MSH4: variants seen among roughly 807,000 people sequenced by gnomAD.
MSH4 encodes the protein mutS protein homolog 4.
Under a neutral mutation model 113.7 loss-of-function variants are expected in MSH4, and 106 were observed. The observed-to-expected ratio is 0.93, with a 90% CI of 0.80 to 1.10. The LOEUF (loss-of-function observed/expected upper bound fraction) is 1.10. Ranked by LOEUF, MSH4 falls within the 50% of genes least tolerant of loss-of-function variation. The pLI is 0.00. For missense variants in MSH4, 1,061 were observed against 1,093.7 expected (o/e 0.97, Z 0.42); for synonymous variants, 368 against 380.2 (o/e 0.97, Z 0.37).
chr1:75,901,150 T>C (rs1260222174), intron 19 of MSH4, among the ~76,000 whole-genome samples: 2 of 152,184 alleles, frequency 1.3e-5, no homozygotes, highest in Non-Finnish European at 2.9e-5. Flanking sequence ...ACATTTATCT[T>C]TACTTCATGT....
Position 75,877,002 on chromosome 1 carries a change from T to C in MSH4, c.1370+2T>C. The C allele has an allele frequency of 6.5e-7, 1 of 1,532,004 alleles. No homozygotes were observed. Among genetic ancestry groups the C allele is most frequent in the Non-Finnish European group, 8.8e-7 (1 of 1,135,818 alleles). 94.9% of individuals were successfully genotyped at this position (1,532,004 alleles called of 1,614,324 possible). A position where few individuals can be genotyped will look rare whatever the true frequency, so the allele number is the denominator to read the frequency against. On this transcript the variant is annotated splice_donor_variant, in intron 10 of 19. Transcript: ENST00000263187. LOFTEE classifies it high-confidence loss of function. ...CTATGGTTCCTTGGAAGACAAGAGG[T>C]CTTTGTCACTCAACCGTTAATAAAA...
intron 7 of MSH4, among the ~76,000 whole-genome samples, chr1:75,827,523 A>G (rs12759945): frequency 0.041 from 6,310 of 152,274 alleles, 156 homozygotes; most frequent in African/African-American, 0.046. Context: ...AAATGCCCCA[A>G]TTAAAAGACA....
At chr1:75,865,793 T>G (rs1218386180) in intron 8 of MSH4, among the ~76,000 whole-genome samples, 1 of 152,236 alleles carries the variant, frequency 6.6e-6, no homozygotes, top group Admixed American at 6.5e-5. Flanking sequence ...GATATTCTTC[T>G]TTATTAATTC....
chr1:75,836,409 G>A lies in MSH4; in HGVS notation c.1163-11800G>A, dbSNP rs534088428. Among the ~76,000 whole-genome samples, 11 of 148,208 alleles carry A rather than the reference G, an allele frequency of 7.4e-5. No homozygotes were observed. The East Asian group carries it at 1.6e-3, about 22-fold the overall frequency. ...TACCTCCTGGGTTCAAGCAATCCTC[G>A]CACCTCAGCCTCCCAAGTAGCTGAT... On this transcript the variant is annotated intron_variant, in intron 7 of 19. Transcript: ENST00000263187.
intron 9 of MSH4, among the ~76,000 whole-genome samples, chr1:75,867,867 T>A (rs1272092177): frequency 6.6e-6 from 1 of 152,108 alleles, no homozygotes; most frequent in Non-Finnish European, 1.5e-5. Flanking sequence ...AATCATAATA[T>A]TATTATCAAA....
At chr1:75,877,733 G>A (rs1336625797) in intron 10 of MSH4, among the ~76,000 whole-genome samples, 1 of 152,156 alleles carries the variant, frequency 6.6e-6, no homozygotes, top group Non-Finnish European at 1.5e-5. Flanking sequence ...CGAAGGCAGG[G>A]ATCATATGTT....
At chr1:75,853,863 C>T (rs1361784825) in intron 8 of MSH4, among the ~76,000 whole-genome samples, 5 of 151,620 alleles carry the variant, frequency 3.3e-5, no homozygotes, top group Admixed American at 3.3e-4. Context: ...TCCTTGGTAG[C>T]CTTTGAATCA....
intron 8 of MSH4, among the ~76,000 whole-genome samples, chr1:75,861,726 G>A (rs1003343322): frequency 9.2e-5 from 14 of 152,208 alleles, no homozygotes; most frequent in Admixed American, 5.2e-4. Context: ...CAGGGATCAG[G>A]GACCCACTTG....
chr1:75,841,083 G>GT (rs1344472858), intron 7 of MSH4, among the ~76,000 whole-genome samples: 2 of 152,088 alleles, frequency 1.3e-5, no homozygotes, highest in African/African-American at 4.8e-5. Flanking sequence ...TAATGCAGAT[G>GT]TTTTTTGGAT....
chr1:75,844,098 A>G (rs1433862621), intron 7 of MSH4, among the ~76,000 whole-genome samples: 2 of 152,154 alleles, frequency 1.3e-5, no homozygotes, highest in Non-Finnish European at 2.9e-5. Flanking sequence ...GGCGTAAGCC[A>G]CCACGCCCGG....
intron 19 of MSH4, among the ~76,000 whole-genome samples, chr1:75,904,185 T>TTTA (rs767904043): frequency 1.2e-4 from 19 of 152,320 alleles, no homozygotes; most frequent in Non-Finnish European, 2.5e-4. Flanking sequence ...TTGCATATGT[T>TTTA]TTATCATTCT....
chr1:75,801,524 C>T (rs1144329), intron 1 of MSH4, among the ~76,000 whole-genome samples: 14,731 of 149,248 alleles, frequency 0.099, 1,654 homozygotes, highest in African/African-American at 0.28. Flanking sequence ...GCTGAGATTG[C>T]GCCATTGCAC....
intron 13 of MSH4, 82 bp downstream of exon 13, chr1:75,880,235 T>C (rs1320306264): frequency 1.4e-6 from 1 of 729,312 alleles, no homozygotes; most frequent in Non-Finnish European, 2.2e-6. Flanking sequence ...GTTTAATTTT[T>C]ATCTAATTAC....
intron 9 of MSH4, among the ~76,000 whole-genome samples, chr1:75,872,827 G>A (rs772039192): frequency 1.3e-4 from 20 of 152,194 alleles, no homozygotes; most frequent in Non-Finnish European, 2.1e-4. Flanking sequence ...ATGAAGCATT[G>A]GAGAAATTCA....
At chr1:75,902,290 C>G (rs565584823) in intron 19 of MSH4, among the ~76,000 whole-genome samples, 1 of 151,852 alleles carries the variant, frequency 6.6e-6, no homozygotes, top group Non-Finnish European at 1.5e-5. Context: ...GAGTTGGGCT[C>G]CTAGTGTACC....
At chr1:75,835,471 G>A (rs1391771580) in intron 7 of MSH4, among the ~76,000 whole-genome samples, 1 of 152,104 alleles carries the variant, frequency 6.6e-6, no homozygotes, top group Non-Finnish European at 1.5e-5. Flanking sequence ...TGTTACATTG[G>A]TCAAGCTCCA....
At chr1:75,872,845 G>A (rs1553137167) in intron 9 of MSH4, among the ~76,000 whole-genome samples, 1 of 152,218 alleles carries the variant, frequency 6.6e-6, no homozygotes, top group Non-Finnish European at 1.5e-5. Context: ...TCATTGATGA[G>A]TTTGCCAAGG....
chr1:75,898,041 C>T lies in MSH4; in HGVS notation c.2490C>T (p.Thr830=). The change falls in exon 18 of 20, where the codon ACC becomes ACT. Residue 830 remains threonine, a synonymous_variant. Transcript: ENST00000263187. ...TSRNKEAILY[T]YKLSKGLTEE... is the part of the protein sequence containing the mutation. Reference sequence around the variant, plus strand: ...GAAATAAAGAAGCAATTTTGTATACCTACAAACTTTCTAAGGGACTCACAG... The same window carrying T: ...GAAATAAAGAAGCAATTTTGTATACTTACAAACTTTCTAAGGGACTCACAG... The T allele has an allele frequency of 6.3e-7, 1 of 1,596,920 alleles. No homozygotes were observed. The highest frequency in any genetic ancestry group is 8.5e-7 in the Non-Finnish European group (1 of 1,171,842).
chr1:75,814,979 T>A, intron 4 of MSH4, 42 bp from the exon 5 acceptor site: 1 of 1,198,796 alleles, frequency 8.3e-7, no homozygotes, highest in Non-Finnish European at 1.2e-6. Flanking sequence ...GGCAAGCGCA[T>A]GGCACTTCAA....
Sources: gnomAD v4.1 joint callset for allele counts (sites outside exome capture counted in the v4.1 genomes callset) on GRCh38, gnomAD v4.1.1 for gene constraint, MANE v1.5 for transcripts, NCBI Gene and HGNC (gene_info 2026-07-23, HGNC 2026-07-21) for gene names.